Variants in UNC13C observed in about 807,000 individuals in gnomAD.
UNC13C encodes the protein unc-13 homolog C, also known as protein unc-13 homolog C.
In UNC13C, 174 loss-of-function variants were observed where a neutral mutation model predicts 245.4. The ratio of observed to expected loss-of-function variants is 0.71; its 90% CI spans 0.63 to 0.80. The LOEUF (loss-of-function observed/expected upper bound fraction) is 0.80, where lower values mean the gene tolerates loss of function less well. Ranked by LOEUF, UNC13C falls within the 30% of genes least tolerant of loss-of-function variation. The probability of loss-of-function intolerance (pLI) is 0.00; values close to 1 mark genes in which losing one functional copy is unlikely to be tolerated. For synonymous variants in UNC13C, 992 were observed against 895.1 expected, an observed-to-expected ratio of 1.11 and a Z score of -1.93; for missense variants, 2,829 against 2,602.9, an observed-to-expected ratio of 1.09 and a Z score of -1.89.
chr15:53,995,474 A>AC (rs924507758), intron 1 of UNC13C, among the ~76,000 whole-genome samples: 1 of 27,126 alleles, frequency 3.7e-5, no homozygotes, highest in African/African-American at 1.5e-4. Context: ...CGCCCACCCC[A>AC]CCCCCCTGAA....
At position 54,516,706 on chromosome 15, in the gene UNC13C, G is replaced by A. The variant is rs574966569; in HGVS notation, c.5457+4876G>A. Among the ~76,000 whole-genome samples the A allele has an allele frequency of 7.3e-5, 11 of 150,432 alleles. No individual in the cohort carries two copies. The South Asian group carries it at 1.0e-3, about 14-fold the overall frequency. On this transcript the variant is annotated intron_variant, in intron 24 of 32. Transcript: ENST00000260323. ...TCCCAGCTACTCAGGAGGCTGAAGC[G>A]GGAGAATCACTTGAACCCTAGAGGC...
At chr15:54,509,691 T>C (rs1894648746) in intron 23 of UNC13C, among the ~76,000 whole-genome samples, 1 of 152,216 alleles carries the variant, frequency 6.6e-6, no homozygotes, top group South Asian at 2.1e-4. Flanking sequence ...TTTCCTTTTT[T>C]CATTTACTAT....
intron 10 of UNC13C, 63 bp downstream of exon 10, chr15:54,265,559 C>A: frequency 8.2e-7 from 1 of 1,213,258 alleles, no homozygotes; most frequent in Non-Finnish European, 1.1e-6. Context: ...TTAAGACAGG[C>A]ATACAAAGGA....
intron 2 of UNC13C, among the ~76,000 whole-genome samples, chr15:54,098,196 A>G (rs1326486837): frequency 1.3e-5 from 2 of 151,960 alleles, no homozygotes; most frequent in Non-Finnish European, 2.9e-5. Context: ...TTATTTTGAG[A>G]TGGAGTCTTG....
chr15:54,168,052 A>G (rs1171456803), intron 4 of UNC13C, among the ~76,000 whole-genome samples: 1 of 152,260 alleles, frequency 6.6e-6, no homozygotes, highest in Non-Finnish European at 1.5e-5. Flanking sequence ...GGTTATACGA[A>G]TAGATACGTG....
At chr15:54,267,095 A>G (rs186269777) in intron 10 of UNC13C, among the ~76,000 whole-genome samples, 4 of 152,178 alleles carry the variant, frequency 2.6e-5, no homozygotes, top group Admixed American at 6.5e-5. Context: ...GTTAATGACA[A>G]CAGAGTGACC....
intron 2 of UNC13C, among the ~76,000 whole-genome samples, chr15:54,045,388 G>T (rs1157773606): frequency 6.6e-6 from 1 of 152,132 alleles, no homozygotes; most frequent in Non-Finnish European, 1.5e-5. Context: ...TTTCTTAAAA[G>T]ATATTTATTG....
At chr15:54,533,117 T>G in intron 26 of UNC13C, 51 bp downstream of exon 26, 2 of 1,408,212 alleles carry the variant, frequency 1.4e-6, no homozygotes, top group Non-Finnish European at 1.9e-6. Context: ...AAATTTGACC[T>G]TTAAGGCTTT....
chr15:54,013,939 A>G lies in UNC13C; in HGVS notation c.1036A>G (p.Met346Val), dbSNP rs770039596. The G allele has an allele frequency of 6.2e-7, 1 of 1,613,414 alleles. No individual in the cohort carries two copies. The highest frequency in any genetic ancestry group is 1.1e-5 in the South Asian group (1 of 91,060). Residue 346 changes from methionine to valine, a missense_variant, in exon 2 of 33, where the codon ATG becomes GTG. By Grantham distance (21) the Met-to-Val change is conservative. Transcript: ENST00000260323. Reference sequence around the variant, plus strand: ...GGTGTACCAAATTCTAATAGATAAAATGGGTTTTTCAGATGCACCAAATGC... The same window carrying G: ...GGTGTACCAAATTCTAATAGATAAAGTGGGTTTTTCAGATGCACCAAATGC... The part of the protein sequence containing the change: ...SVVYQILIDK[M>V]GFSDAPNAIK...
chr15:53,896,533 A>G, the UNC13C span, among the ~76,000 whole-genome samples: 1 of 152,142 alleles, frequency 6.6e-6, no homozygotes. Flanking sequence ...TATTATCATA[A>G]TAATACATGG....
At chr15:54,595,581 G>A (rs1029752269) in intron 30 of UNC13C, among the ~76,000 whole-genome samples, 4 of 152,090 alleles carry the variant, frequency 2.6e-5, no homozygotes, top group Admixed American at 6.5e-5. Context: ...CCTGCCTCTC[G>A]TTTGTCTTGA....
intron 17 of UNC13C, among the ~76,000 whole-genome samples, chr15:54,363,447 G>A (rs1157553037): frequency 6.6e-6 from 1 of 152,164 alleles, no homozygotes; most frequent in Non-Finnish European, 1.5e-5. Context: ...TATGTCACAA[G>A]TCATTTGATA....
At chr15:54,128,811 T>A (rs761669525) in intron 2 of UNC13C, among the ~76,000 whole-genome samples, 8 of 152,178 alleles carry the variant, frequency 5.3e-5, no homozygotes, top group Non-Finnish European at 1.2e-4. Context: ...AGAACCCTAG[T>A]TGGGAGGGAA....
intron 24 of UNC13C, among the ~76,000 whole-genome samples, chr15:54,517,462 C>A (rs643105): frequency 0.48 from 72,534 of 151,816 alleles, 17,528 homozygotes; most frequent in African/African-American, 0.53. Context: ...TCTCAAGGAG[C>A]TTACAAGGTG....
chr15:54,063,238 A>T (rs190607210), intron 2 of UNC13C, among the ~76,000 whole-genome samples: 4 of 152,288 alleles, frequency 2.6e-5, no homozygotes, highest in African/African-American at 9.6e-5. Context: ...TTTCATTCTA[A>T]CCTGGCTGAT....
chr15:54,561,198 G>A (rs1296061829), intron 29 of UNC13C, among the ~76,000 whole-genome samples: 2 of 151,922 alleles, frequency 1.3e-5, no homozygotes, highest in Non-Finnish European at 2.9e-5. Flanking sequence ...TAACACCTGA[G>A]ACTCCCCTTT....
chr15:54,185,008 C>T (rs1375093401), intron 4 of UNC13C, among the ~76,000 whole-genome samples: 2 of 152,174 alleles, frequency 1.3e-5, no homozygotes, highest in Non-Finnish European at 2.9e-5. Context: ...TTGCATTTCT[C>T]TGATGGCCAG....
chr15:54,480,082 C>G (rs1441631497), intron 19 of UNC13C, among the ~76,000 whole-genome samples: 2 of 151,950 alleles, frequency 1.3e-5, no homozygotes, highest in Admixed American at 6.6e-5. Flanking sequence ...TGACTTTTTC[C>G]TTACTGTTTG....
At position 54,264,366 on chromosome 15, in the gene UNC13C, C is replaced by G. The variant is rs2036502160; in HGVS notation, c.3647C>G (p.Ser1216Cys). Residue 1216 changes from serine to cysteine, a missense_variant, in exon 9 of 33, where the codon TCT becomes TGT. Physicochemically the swap from Ser to Cys is moderately radical, Grantham distance 112. Transcript: ENST00000260323. ...AAKQSVLDGT[S>C]KWSAKITITV... Reference sequence around the variant, plus strand: ...AAACAGAGTGTACTGGATGGGACATCTAAGTGGTCTGCAAAAATAACCATT... The same window carrying G: ...AAACAGAGTGTACTGGATGGGACATGTAAGTGGTCTGCAAAAATAACCATT... 6.2e-6 allele frequency: 10 copies of G among 1,600,908 alleles called. No homozygotes were observed. Among genetic ancestry groups the G allele is most frequent in the Non-Finnish European group, 8.5e-6 (10 of 1,173,240 alleles).
Sources: allele counts gnomAD v4.1 joint callset (sites outside exome capture counted in the v4.1 genomes callset), GRCh38; gene constraint gnomAD v4.1.1; transcripts MANE v1.5; gene names NCBI Gene and HGNC (gene_info 2026-07-23, HGNC 2026-07-21).